RAI1: variants seen among roughly 807,000 people sequenced by gnomAD.
The protein encoded by RAI1 is retinoic acid-induced protein 1.
In RAI1, 9 loss-of-function variants were observed where a neutral mutation model predicts 123.8. That is an observed-to-expected ratio of 0.07 (90% CI 0.04 to 0.13). RAI1 has a LOEUF of 0.13. Ranked by LOEUF, RAI1 falls within the 10% of genes least tolerant of loss-of-function variation. RAI1 has a pLI of 1.00. For synonymous variants in RAI1, 1,231 were observed against 1,127.3 expected (o/e 1.09, Z -1.84); for missense variants, 2,256 against 2,545.8 (o/e 0.89, Z 2.45).
Position 17,795,687 on chromosome 17 carries a change from C to T in RAI1, c.2739C>T (p.Gly913=). 1 of 1,613,336 alleles carries T rather than the reference C, an allele frequency of 6.2e-7. No individual in the cohort carries two copies. The highest frequency in any genetic ancestry group is 8.5e-7 in the Non-Finnish European group (1 of 1,180,000). Residue 913 remains glycine (G), a synonymous_variant, in exon 3 of 6, where the codon GGC becomes GGT. Transcript: ENST00000353383. The surrounding 1 kb of genome is among the most constrained non-coding windows in gnomAD (Gnocchi z 5.9). ...EVEEVLDSKA[G]WGSPCHLSGE... is the part of the protein sequence containing the mutation. Reference sequence around the variant, plus strand: ...AGGAGGTGCTGGACTCCAAGGCCGGCTGGGGCTCTCCGTGCCACCTCTCAG... The same window carrying T: ...AGGAGGTGCTGGACTCCAAGGCCGGTTGGGGCTCTCCGTGCCACCTCTCAG...
At chr17:17,734,702 G>A (rs969775802) in intron 2 of RAI1, among the ~76,000 whole-genome samples, 3 of 152,346 alleles carry the variant, frequency 2.0e-5, no homozygotes, top group South Asian at 4.1e-4. Flanking sequence ...TCCTATGTGC[G>A]GGTCAGAGCG....
intron 1 of RAI1, among the ~76,000 whole-genome samples, chr17:17,719,978 G>A (rs1183804781): frequency 1.3e-5 from 2 of 152,142 alleles, no homozygotes; most frequent in Admixed American, 6.5e-5. Flanking sequence ...ACCAGACCAG[G>A]GCTGAGCTTG....
chr17:17,810,528 C>T lies in RAI1; in HGVS notation c.*547C>T, dbSNP rs1186616337. 5.0e-5 allele frequency: 14 copies of T among 279,966 alleles called. No individual in the cohort carries two copies. The highest frequency in any genetic ancestry group is 8.5e-5 in the Non-Finnish European group (12 of 140,388). The allele number at this position is 279,966 out of a possible 1,614,324, so 17.3% of individuals were successfully genotyped here. ...GAAAGGAAGCCTTTCTGAGAGCGGG[C>T]TAGGCCGGCACTGGAGAGGCCGGAG... On this transcript the variant is annotated 3_prime_UTR_variant, in exon 6 of 6. Coordinates refer to ENST00000353383, the MANE Select transcript of RAI1 (RefSeq NM_030665.4). This position sits in a 1 kb window ranked among gnomAD's most constrained non-coding sequence, Gnocchi z 4.6.
At position 17,800,623 on chromosome 17, in the gene RAI1, G is replaced by T. The variant is rs1239491069; in HGVS notation, c.5565+2110G>T. On this transcript the variant is annotated intron_variant, in intron 3 of 5. Coordinates refer to ENST00000353383, the MANE Select transcript of RAI1 (RefSeq NM_030665.4). The surrounding 1 kb of genome is among the most constrained non-coding windows in gnomAD (Gnocchi z 4.7). ...CGCTAGCTTCCCTACACCACGCGGGGGCTGGAACTTGCCAGCCCAGCCCAT... is the reference window on the plus strand; with the variant it reads ...CGCTAGCTTCCCTACACCACGCGGGTGCTGGAACTTGCCAGCCCAGCCCAT... Among the ~76,000 whole-genome samples the T allele has an allele frequency of 6.6e-6, 1 of 152,228 alleles. No homozygotes were observed. Among genetic ancestry groups the T allele is most frequent in the Non-Finnish European group, 1.5e-5 (1 of 68,030 alleles).
intron 2 of RAI1, among the ~76,000 whole-genome samples, chr17:17,725,876 T>C (rs970483997): frequency 1.3e-4 from 19 of 151,936 alleles, no homozygotes; most frequent in Non-Finnish European, 1.8e-4. Context: ...GGGGGGCGGC[T>C]AGACTGTGTT....
At chr17:17,771,757 G>A (rs1395190119) in intron 2 of RAI1, among the ~76,000 whole-genome samples, 1 of 152,184 alleles carries the variant, frequency 6.6e-6, no homozygotes, top group Non-Finnish European at 1.5e-5. Context: ...TTTCCCATGG[G>A]AATCTCGCTC....
intron 2 of RAI1, among the ~76,000 whole-genome samples, chr17:17,762,019 C>G (rs1005498821): frequency 6.6e-6 from 1 of 152,156 alleles, no homozygotes; most frequent in African/African-American, 2.4e-5. Flanking sequence ...AGCCACAGGC[C>G]TCATCCCTGC....
intron 2 of RAI1, chr17:17,778,946 A>C (rs1393574918): frequency 4.4e-6 from 2 of 456,484 alleles, no homozygotes; most frequent in Non-Finnish European, 8.8e-6. Flanking sequence ...AAGAGGGGCC[A>C]GTGCACAGAG....
intron 2 of RAI1, among the ~76,000 whole-genome samples, chr17:17,773,163 T>C (rs1336985010): frequency 2.0e-5 from 3 of 152,110 alleles, no homozygotes; most frequent in Non-Finnish European, 4.4e-5. Flanking sequence ...CCAGGTGGTC[T>C]ATGAGGTGAG....
rs772898321 is a variant in RAI1 at position 17,796,388 on chromosome 17, G to A, written c.3440G>A (p.Arg1147Gln). The A allele has an allele frequency of 3.1e-6, 5 of 1,613,614 alleles. No homozygotes were observed. The highest frequency in any genetic ancestry group is 1.7e-5 in the Admixed American group (1 of 60,016). ...PGKDQRSMIL[R>Q]SRTKTQEIFH... is the part of the protein sequence containing the mutation. Reference sequence around the variant, plus strand: ...AAGGACCAGCGCTCCATGATCCTTCGGTCACGCACCAAAACCCAGGAGATC... The same window carrying A: ...AAGGACCAGCGCTCCATGATCCTTCAGTCACGCACCAAAACCCAGGAGATC... The change falls in exon 3 of 6, where the codon CGG becomes CAG. Residue 1147 changes from arginine (R) to glutamine (Q), a missense_variant. Around this residue, in one of 7 missense-constraint regions of RAI1, gnomAD observed 322 missense variants for 358.0 expected, o/e 0.90. Coordinates refer to ENST00000353383, the MANE Select transcript of RAI1 (RefSeq NM_030665.4). This position sits in a 1 kb window ranked among gnomAD's most constrained non-coding sequence, Gnocchi z 5.8.
chr17:17,717,153 G>C (rs553791797), intron 1 of RAI1, among the ~76,000 whole-genome samples: 1 of 152,290 alleles, frequency 6.6e-6, no homozygotes, highest in Non-Finnish European at 1.5e-5. Flanking sequence ...CATGGCTAAG[G>C]GTCAGTCTGT....
rs547822588 is a variant in RAI1, at chr17:17,797,920, C to A, written c.4972C>A (p.Leu1658Met). 2.7e-5 allele frequency: 43 copies of A among 1,614,024 alleles called. 1 individual carries two copies. In the South Asian group the frequency reaches 4.3e-4, roughly 16 times the overall value. ...SLATLPGGSILQPRPSLPLSS... is the reference protein window; with the variant it reads ...SLATLPGGSIMQPRPSLPLSS... ...GGCCACACTCCCTGGAGGCTCCATC[C>A]TGCAGCCGCGGCCCTCCTTGCCCCT... Residue 1658 changes from leucine (L) to methionine (M), a missense_variant, in exon 3 of 6, where the codon CTG (leucine) becomes ATG (methionine). Leu to Met is a conservative substitution (Grantham distance 15). This residue lies in a region of RAI1 where 410 missense variants were observed against 374.6 expected (regional missense o/e 1.09). Transcript: ENST00000353383.
chr17:17,742,965 A>G (rs373511687), intron 2 of RAI1, among the ~76,000 whole-genome samples: 2 of 152,154 alleles, frequency 1.3e-5, no homozygotes, highest in African/African-American at 4.8e-5. Context: ...CATTTTTGCT[A>G]TTACAACTCC....
At chr17:17,725,069 C>T (rs112546679) in intron 2 of RAI1, among the ~76,000 whole-genome samples, 3,710 of 150,308 alleles carry the variant, frequency 0.025, 74 homozygotes, top group Non-Finnish European at 0.04. Context: ...GGAGGGGGCT[C>T]CTGGGGGAGG....
In RAI1 at chr17:17,796,312, A is replaced by G. The variant is rs1452962798; in HGVS notation, c.3364A>G (p.Ser1122Gly). 1.2e-6 allele frequency: 2 copies of G among 1,610,268 alleles called. No individual in the cohort carries two copies. Among genetic ancestry groups the G allele is most frequent in the Admixed American group, 3.3e-5 (2 of 59,850 alleles). ...PAALPVASDS[S>G]PMGSKTKETD... ...CGCCCTGCCTGTGGCCTCCGACAGC[A>G]GCCCGATGGGCTCCAAGACCAAGGA... Residue 1122 changes from serine (S) to glycine (G), a missense_variant, in exon 3 of 6, where the codon AGC (serine) becomes GGC (glycine). Physicochemically the swap from Ser to Gly is moderately conservative, Grantham distance 56. Transcript: ENST00000353383. This position sits in a 1 kb window ranked among gnomAD's most constrained non-coding sequence, Gnocchi z 5.8.
At position 17,796,272 on chromosome 17, in the gene RAI1, C is replaced by T; in HGVS notation, c.3324C>T (p.Ser1108=). Residue 1108 remains serine (S), a synonymous_variant, in exon 3 of 6, where the codon AGC becomes AGT. Transcript: ENST00000353383. This position sits in a 1 kb window ranked among gnomAD's most constrained non-coding sequence, Gnocchi z 5.8. ...AGCCCTCACCCAAGGCTGCCTCCAG[C>T]CCCAGCAACCCGGCCGCCCTGCCTG... ...VGKPSPKAAS[S]PSNPAALPVA... 1.3e-6 allele frequency: 2 copies of T among 1,594,726 alleles called. No individual in the cohort carries two copies. Among genetic ancestry groups the T allele is most frequent in the East Asian group, 2.2e-5 (1 of 44,490 alleles).
intron 3 of RAI1, among the ~76,000 whole-genome samples, chr17:17,802,718 G>T (rs1427706254): frequency 6.6e-6 from 1 of 152,090 alleles, no homozygotes; most frequent in African/African-American, 2.4e-5. Context: ...GGAGCTTGCA[G>T]TGAGCCAAGA....
rs531421942 is a variant in RAI1, at chr17:17,800,423, A to G, written c.5565+1910A>G. ...GGCTCCCCGACACTCACGTCCCACCAGGCTGAGATCAGGTCGTCTCCACAT... is the reference window on the plus strand; with the variant it reads ...GGCTCCCCGACACTCACGTCCCACCGGGCTGAGATCAGGTCGTCTCCACAT... On this transcript the variant is annotated intron_variant, in intron 3 of 5. Transcript: ENST00000353383. This position sits in a 1 kb window ranked among gnomAD's most constrained non-coding sequence, Gnocchi z 4.7. Among the ~76,000 whole-genome samples the G allele has an allele frequency of 2.0e-5, 3 of 152,240 alleles. No individual in the cohort carries two copies. The highest frequency in any genetic ancestry group is 4.1e-4 in the South Asian group (2 of 4,824).
chr17:17,802,162 C>T (rs114882530), intron 3 of RAI1: 1 of 470,972 alleles, frequency 2.1e-6, no homozygotes, highest in African/African-American at 2.0e-5. Context: ...CTCCAAGCAG[C>T]TGGTCCAGGT....
Sources: gnomAD v4.1 joint callset for allele counts (sites outside exome capture counted in the v4.1 genomes callset) on GRCh38, gnomAD v4.1.1 for gene constraint, gnomAD v4.1.1 regional missense constraint, Gnocchi (gnomAD v3.1) non-coding constraint, MANE v1.5 for transcripts, NCBI Gene and HGNC (gene_info 2026-07-23, HGNC 2026-07-21) for gene names.